Variants in SNTG1 observed in about 807,000 individuals in gnomAD.
The protein encoded by SNTG1 is syntrophin gamma 1.
A neutral mutation model predicts 74.7 loss-of-function variants in SNTG1; 39 were observed. That is an observed-to-expected ratio of 0.52 (90% CI 0.40 to 0.68). SNTG1 has a LOEUF of 0.68. Among genes scored for constraint, SNTG1 ranks in the 30% least tolerant of loss-of-function variants. The pLI is 0.00. For synonymous variants in SNTG1, 254 were observed against 217.1 expected (o/e 1.17, Z -1.49); for missense variants, 685 against 609.5 (o/e 1.12, Z -1.30).
chr8:49,945,905 G>A (rs539990662), intron 1 of SNTG1, among the ~76,000 whole-genome samples: 30 of 152,136 alleles, frequency 2.0e-4, no homozygotes, highest in Non-Finnish European at 2.6e-4. Context: ...CTCCTTAAAC[G>A]TCATCGCTGT....
At chr8:50,464,167 C>T (rs1454065312) in intron 8 of SNTG1, among the ~76,000 whole-genome samples, 1 of 152,160 alleles carries the variant, frequency 6.6e-6, no homozygotes, top group Non-Finnish European at 1.5e-5. Flanking sequence ...ATTCAGACAA[C>T]TAAAACTTTC....
intron 1 of SNTG1, among the ~76,000 whole-genome samples, chr8:50,108,618 C>T (rs1242462490): frequency 6.6e-6 from 1 of 152,080 alleles, no homozygotes; most frequent in African/African-American, 2.4e-5. Context: ...ACAATAACAA[C>T]AAAAATGATT....
chr8:50,451,677 T>C (rs1281901891), intron 8 of SNTG1, among the ~76,000 whole-genome samples: 1 of 152,180 alleles, frequency 6.6e-6, no homozygotes, highest in Non-Finnish European at 1.5e-5. Flanking sequence ...ATGTGGATTT[T>C]AGCAACCGGC....
At chr8:50,477,792 A>T (rs1224081703) in intron 8 of SNTG1, among the ~76,000 whole-genome samples, 1 of 152,202 alleles carries the variant, frequency 6.6e-6, no homozygotes, top group Non-Finnish European at 1.5e-5. Flanking sequence ...AACTGTTTTA[A>T]CACAACCATT....
chr8:50,202,177 T>C (rs1165147398), intron 2 of SNTG1, among the ~76,000 whole-genome samples: 1 of 152,176 alleles, frequency 6.6e-6, no homozygotes, highest in African/African-American at 2.4e-5. Context: ...AATTCCTTCC[T>C]GGGATACCCA....
At chr8:49,951,781 C>G (rs1017432983) in intron 1 of SNTG1, among the ~76,000 whole-genome samples, 1 of 142,788 alleles carries the variant, frequency 7.0e-6, no homozygotes, top group South Asian at 2.3e-4. Flanking sequence ...GCTTAACAAC[C>G]TTAAAAGAAT....
At chr8:49,944,791 GAAAAA>G (rs112235757) in intron 1 of SNTG1, among the ~76,000 whole-genome samples, 1 of 129,152 alleles carries the variant, frequency 7.7e-6, no homozygotes, top group African/African-American at 2.7e-5. Flanking sequence ...TCACCTGCAA[GAAAAA>G]AAAAAAAAAA....
intron 8 of SNTG1, among the ~76,000 whole-genome samples, chr8:50,485,713 G>A (rs1353154962): frequency 1.3e-5 from 2 of 151,138 alleles, no homozygotes; most frequent in African/African-American, 4.9e-5. Flanking sequence ...TGTTGCCATT[G>A]CTTTTGGTGT....
chr8:50,612,774 G>A (rs2094859603), intron 13 of SNTG1, among the ~76,000 whole-genome samples: 1 of 152,192 alleles, frequency 6.6e-6, no homozygotes. Context: ...GGACGTAAGA[G>A]CAATAGAGTC....
chr8:50,522,750 T>C (rs1379223870), intron 9 of SNTG1, among the ~76,000 whole-genome samples: 1 of 152,158 alleles, frequency 6.6e-6, no homozygotes, highest in African/African-American at 2.4e-5. Flanking sequence ...GGCTTATTTC[T>C]GTATTTTTAG....
intron 18 of SNTG1, among the ~76,000 whole-genome samples, chr8:50,777,839 C>T (rs2095645583): frequency 6.6e-6 from 1 of 152,068 alleles, no homozygotes; most frequent in Admixed American, 6.6e-5. Context: ...TCTCCTAAAG[C>T]TATCCCTCCC....
intron 2 of SNTG1, among the ~76,000 whole-genome samples, chr8:50,322,144 G>T (rs2090557460): frequency 6.6e-6 from 1 of 151,674 alleles, no homozygotes; most frequent in African/African-American, 2.4e-5. Flanking sequence ...TTAAGTTTTA[G>T]GGTACATGTG....
In SNTG1 at chr8:50,553,172, A is replaced by C. The variant is rs757109229; in HGVS notation, c.803A>C (p.Lys268Thr). Reference protein sequence around the residue: ...AIATNISNLTKHNIKKINRNF... With the variant: ...AIATNISNLTTHNIKKINRNF... ...GCAACTAACATTTCAAATCTCACAA[A>C]GCACAATGTAAGTAATGATTCAAGG... The change falls in exon 12 of 19, where the codon AAG (lysine) becomes ACG (threonine). Residue 268 changes from lysine to threonine, a missense_variant. Coordinates refer to ENST00000642720, the MANE Select transcript of SNTG1 (RefSeq NM_018967.5). The C allele has an allele frequency of 1.2e-6, 2 of 1,613,822 alleles. No homozygotes were observed. Among genetic ancestry groups the C allele is most frequent in the Non-Finnish European group, 1.7e-6 (2 of 1,179,808 alleles).
intron 15 of SNTG1, among the ~76,000 whole-genome samples, chr8:50,676,798 T>A (rs1042414994): frequency 2.6e-5 from 4 of 152,006 alleles, no homozygotes; most frequent in Non-Finnish European, 4.4e-5. Flanking sequence ...TTTATTCTTT[T>A]GTTTAAAAAG....
intron 6 of SNTG1, 104 bp downstream of exon 6, chr8:50,449,829 T>C: frequency 9.8e-7 from 1 of 1,015,954 alleles, no homozygotes. Context: ...ATTGACTGGC[T>C]CCAGCTTCCC....
At chr8:50,689,129 A>T (rs12544275) in intron 15 of SNTG1, among the ~76,000 whole-genome samples, 29,749 of 147,244 alleles carry the variant, frequency 0.2, 3,100 homozygotes, top group South Asian at 0.29. Context: ...GAAGTTGCTT[A>T]TCAGCTTAAG....
chr8:50,500,507 G>T (rs1266594054), intron 8 of SNTG1, among the ~76,000 whole-genome samples: 1 of 152,076 alleles, frequency 6.6e-6, no homozygotes, highest in Non-Finnish European at 1.5e-5. Context: ...CCTTGTCAGA[G>T]AGTTCCAATA....
intron 17 of SNTG1, among the ~76,000 whole-genome samples, chr8:50,734,240 T>C (rs1435079760): frequency 6.6e-6 from 1 of 151,740 alleles, no homozygotes; most frequent in African/African-American, 2.4e-5. Context: ...ACTATAGACA[T>C]TTATTTATAC....
chr8:50,355,380 GA>G (rs2091789931), intron 2 of SNTG1, among the ~76,000 whole-genome samples: 1 of 151,984 alleles, frequency 6.6e-6, no homozygotes, highest in African/African-American at 2.4e-5. Flanking sequence ...CTGAAAAATA[GA>G]AAATTGAGAT....
Sources: gnomAD v4.1 joint callset for allele counts (sites outside exome capture counted in the v4.1 genomes callset) on GRCh38, gnomAD v4.1.1 for gene constraint, MANE v1.5 for transcripts, NCBI Gene and HGNC (gene_info 2026-07-23, HGNC 2026-07-21) for gene names.